MYLK: variants seen among roughly 807,000 people sequenced by gnomAD.
The protein encoded by MYLK is myosin light chain kinase, smooth muscle.
Under a neutral mutation model 203.4 loss-of-function variants are expected in MYLK, and 106 were observed. That is an observed-to-expected ratio of 0.52 (90% CI 0.45 to 0.61). MYLK has a LOEUF of 0.61. Among genes scored for constraint, MYLK ranks in the 20% least tolerant of loss-of-function variants. The probability of loss-of-function intolerance (pLI) is 0.00; values close to 1 mark genes in which losing one functional copy is unlikely to be tolerated. For missense variants in MYLK, 2,072 were observed against 2,442.3 expected, an observed-to-expected ratio of 0.85 and a Z score of 3.20; for synonymous variants, 867 against 959.5, an observed-to-expected ratio of 0.90 and a Z score of 1.78.
At chr3:123,853,160 CAAT>C (rs1009940487) in intron 2 of MYLK, among the ~76,000 whole-genome samples, 100 of 152,060 alleles carry the variant, frequency 6.6e-4, no homozygotes, top group African/African-American at 2.3e-3. Context: ...AGTTTTTATA[CAAT>C]GAGTTGGGCT....
intron 19 of MYLK, among the ~76,000 whole-genome samples, chr3:123,689,944 T>G (rs1560076655): frequency 1.3e-5 from 2 of 152,232 alleles, no homozygotes; most frequent in Admixed American, 1.3e-4. Context: ...TATGAGGGAA[T>G]CAGTAGTGTG....
intron 4 of MYLK, among the ~76,000 whole-genome samples, chr3:123,757,808 A>T (rs1412991126): frequency 6.6e-6 from 1 of 152,206 alleles, no homozygotes; most frequent in Non-Finnish European, 1.5e-5. Context: ...CTCATTCTGC[A>T]ACACTGTCTA....
chr3:123,833,917 G>C (rs968633862), intron 2 of MYLK, among the ~76,000 whole-genome samples: 1 of 152,070 alleles, frequency 6.6e-6, no homozygotes, highest in Non-Finnish European at 1.5e-5. Context: ...ATCTCCAAAA[G>C]GTCTCTCTCC....
chr3:123,814,814 A>C (rs539144001), intron 3 of MYLK, among the ~76,000 whole-genome samples: 26 of 151,798 alleles, frequency 1.7e-4, no homozygotes, highest in Admixed American at 3.9e-4. Flanking sequence ...CTTTTTTTAG[A>C]TGGAGTCTCA....
chr3:123,824,177 C>T (rs1289924665), intron 3 of MYLK, among the ~76,000 whole-genome samples: 2 of 151,978 alleles, frequency 1.3e-5, no homozygotes, highest in African/African-American at 2.4e-5. Context: ...GCAACCTCTG[C>T]CTCCTGGGTC....
chr3:123,730,100 G>C (rs536565194), intron 11 of MYLK, among the ~76,000 whole-genome samples: 1 of 152,156 alleles, frequency 6.6e-6, no homozygotes, highest in East Asian at 1.9e-4. Flanking sequence ...GTGGTGGCAA[G>C]CACCTTTAGT....
At chr3:123,814,993 T>C (rs1577053348) in intron 3 of MYLK, among the ~76,000 whole-genome samples, 2 of 152,060 alleles carry the variant, frequency 1.3e-5, no homozygotes, top group Non-Finnish European at 2.9e-5. Context: ...GGGTTTCACC[T>C]TGTTGGTCAG....
chr3:123,664,585 A>G (rs2059674911), intron 22 of MYLK, among the ~76,000 whole-genome samples: 1 of 152,158 alleles, frequency 6.6e-6, no homozygotes, highest in African/African-American at 2.4e-5. Flanking sequence ...AGGAGAACAC[A>G]TCTCAGCAAA....
chr3:123,820,676 T>TCCC (rs2065904004), intron 3 of MYLK, among the ~76,000 whole-genome samples: 1 of 144,142 alleles, frequency 6.9e-6, no homozygotes, highest in African/African-American at 2.5e-5. Context: ...CCTTCCTTCC[T>TCCC]TCCTTCCTTC....
intron 3 of MYLK, among the ~76,000 whole-genome samples, chr3:123,794,794 C>T (rs997096142): frequency 6.6e-5 from 10 of 152,244 alleles, no homozygotes; most frequent in South Asian, 2.1e-4. Flanking sequence ...TTGAAAATTA[C>T]CAATATGTAA....
chr3:123,868,469 G>C (rs1468261658), intron 2 of MYLK, among the ~76,000 whole-genome samples: 2 of 152,136 alleles, frequency 1.3e-5, no homozygotes, highest in African/African-American at 4.8e-5. Context: ...CTATGTGCCA[G>C]GCATTCCCCC....
Position 123,707,767 on chromosome 3 carries a change from C to T in MYLK, c.2377G>A (p.Glu793Lys), listed in dbSNP as rs1308502581. The change falls in exon 16 of 34, where the codon GAG becomes AAG. Residue 793 changes from glutamate (E) to lysine (K), a missense_variant. Glu to Lys is a moderately conservative substitution (Grantham distance 56). Coordinates refer to ENST00000360304, the MANE Select transcript of MYLK (RefSeq NM_053025.4). Reference sequence around the variant, plus strand: ...ATGCAGACTCACTTGAGCAGGATCTCATACTGGCCGGCATGCCAGGGCTGC... The same window carrying T: ...ATGCAGACTCACTTGAGCAGGATCTTATACTGGCCGGCATGCCAGGGCTGC... Reference protein sequence around the residue: ...KVQPWHAGQYEILLKNRVGEC... With the variant: ...KVQPWHAGQYKILLKNRVGEC... 7.4e-6 allele frequency: 12 copies of T among 1,614,228 alleles called. No individual in the cohort carries two copies. Among genetic ancestry groups the T allele is most frequent in the Non-Finnish European group, 1.0e-5 (12 of 1,180,048 alleles).
rs571658988 is a variant in MYLK, at chr3:123,798,937, C to G, written c.-3-5093G>C. On this transcript the variant is annotated intron_variant, in intron 3 of 33. Transcript: ENST00000360304. ...ACCAAACCTCGTTCCTCTCTAATCCCTTGTCAAGCCTGTGGACTATATTCC... is the reference window on the plus strand; with the variant it reads ...ACCAAACCTCGTTCCTCTCTAATCCGTTGTCAAGCCTGTGGACTATATTCC... 3.4e-4 allele frequency among the ~76,000 whole-genome samples: 52 copies of G among 152,280 alleles called. 1 individual carries two copies. In the South Asian group the frequency reaches 0.01, roughly 30 times the overall value.
chr3:123,686,863 A>G (rs1215979816), intron 19 of MYLK, among the ~76,000 whole-genome samples: 1 of 152,106 alleles, frequency 6.6e-6, no homozygotes, highest in African/African-American at 2.4e-5. Flanking sequence ...AGTGTTTTTG[A>G]CCTACAAAAA....
At chr3:123,878,979 C>A (rs2148725893) in intron 1 of MYLK, among the ~76,000 whole-genome samples, 1 of 152,326 alleles carries the variant, frequency 6.6e-6, no homozygotes, top group Middle Eastern at 3.4e-3. Context: ...AACCACGGTG[C>A]CCAGCCACCA....
intron 11 of MYLK, among the ~76,000 whole-genome samples, chr3:123,729,881 CA>C (rs113098146): frequency 0.033 from 3,288 of 98,430 alleles, 72 homozygotes; most frequent in African/African-American, 0.091. Context: ...GACCCTGTTT[CA>C]AAAAAAAAAA....
chr3:123,691,920 GA>G (rs2108516439), intron 19 of MYLK: 1 of 152,392 alleles, frequency 6.6e-6, no homozygotes, highest in Non-Finnish European at 1.5e-5. Context: ...ATGGGCCAGA[GA>G]GCCCCCCTCC....
chr3:123,789,659 C>CAA lies in MYLK; in HGVS notation c.165+4016_165+4017dup, dbSNP rs745766578. Among the ~76,000 whole-genome samples, 644 of 78,590 alleles carry CAA rather than the reference C, an allele frequency of 8.2e-3. 6 individuals carry two copies. The highest frequency in any genetic ancestry group is 0.015 in the Middle Eastern group (2 of 136). The allele number at this position is 78,590 out of a possible 152,430, so 51.6% of individuals were successfully genotyped here. A position where few individuals can be genotyped will look rare whatever the true frequency, so the allele number is the denominator to read the frequency against. On this transcript the variant is annotated intron_variant, in intron 4 of 33. Transcript: ENST00000360304. The stretch of plus-strand genomic sequence containing the variant: ...CTCCTCAAGCTTTGGGCTGGCAAAG[C>CAA]AAAAAAAAAAAAAAAAAAAGAAGGA...
intron 26 of MYLK, 32 bp from the exon 27 acceptor site, chr3:123,647,459 A>G (rs763786812): frequency 1.2e-6 from 2 of 1,605,960 alleles, no homozygotes; most frequent in African/African-American, 2.7e-5. Flanking sequence ...GAGAAAAGCC[A>G]CATTTAGCCA....
Sources: allele counts gnomAD v4.1 joint callset (sites outside exome capture counted in the v4.1 genomes callset), GRCh38; gene constraint gnomAD v4.1.1; transcripts MANE v1.5; gene names NCBI Gene and HGNC (gene_info 2026-07-23, HGNC 2026-07-21).